The following LYPD8 variants were observed in gnomAD, a reference collection of about 807,000 sequenced individuals.
LYPD8 encodes the protein LY6/PLAUR domain containing 8.
A neutral mutation model predicts 1.7 loss-of-function variants in LYPD8; 8 were observed. The observed-to-expected ratio is 4.58, with a 90% confidence interval of 2.69 to 8.27. LYPD8 has a LOEUF of 8.27. LYPD8 is among the 30% of genes most tolerant of loss of function. The pLI, the probability that LYPD8 is intolerant of heterozygous loss-of-function variation, is 0.00. For missense variants in LYPD8, 112 were observed against 102.3 expected, an observed-to-expected ratio of 1.09 and a Z score of -0.41; for synonymous variants, 50 against 43.6, an observed-to-expected ratio of 1.15 and a Z score of -0.58.
intron 4 of LYPD8, among the ~76,000 whole-genome samples, chr1:248,748,797 C>T (rs914102070): frequency 6.6e-6 from 1 of 152,274 alleles, no homozygotes; most frequent in African/African-American, 2.4e-5. Flanking sequence ...GCCTTATGTG[C>T]AATATGACAT....
chr1:248,741,083 C>T (rs1181336998), intron 6 of LYPD8, among the ~76,000 whole-genome samples: 1 of 152,174 alleles, frequency 6.6e-6, no homozygotes, highest in Non-Finnish European at 1.5e-5. Context: ...CCCTGCATTC[C>T]GGCCCGGGCG....
intron 6 of LYPD8, among the ~76,000 whole-genome samples, chr1:248,744,629 G>GCGTCAAA (rs1662694983): frequency 8.3e-6 from 1 of 120,720 alleles, no homozygotes; most frequent in African/African-American, 4.2e-5. Flanking sequence ...ACAATGGGTA[G>GCGTCAAA]TGTCAAATGT....
intron 3 of LYPD8, 91 bp downstream of exon 3, chr1:248,750,939 T>G: frequency 2.5e-6 from 1 of 398,560 alleles, no homozygotes; most frequent in Non-Finnish European, 4.4e-6. Context: ...ATTTGACATG[T>G]GAGGCCCTCG....
chr1:248,753,558 ACACACACAACACACAC>A (rs1187556806), intron 2 of LYPD8, among the ~76,000 whole-genome samples: 2 of 101,156 alleles, frequency 2.0e-5, no homozygotes, highest in Non-Finnish European at 4.0e-5. Flanking sequence ...AAAACACATC[ACACACACAACACACAC>A]CCCACACAAC....
chr1:248,741,915 A>G (rs1197276066), intron 6 of LYPD8, among the ~76,000 whole-genome samples: 2 of 152,224 alleles, frequency 1.3e-5, no homozygotes, highest in African/African-American at 4.8e-5. Flanking sequence ...CTCTGGAGGC[A>G]ATAACAAAGA....
At chr1:248,754,498 C>T (rs896769611) in intron 2 of LYPD8, among the ~76,000 whole-genome samples, 21 of 151,292 alleles carry the variant, frequency 1.4e-4, no homozygotes, top group Non-Finnish European at 2.4e-4. Context: ...ACCACACATG[C>T]ACCATATGCC....
intron 6 of LYPD8, among the ~76,000 whole-genome samples, chr1:248,741,750 C>T (rs1286772889): frequency 6.6e-6 from 1 of 152,100 alleles, no homozygotes; most frequent in Non-Finnish European, 1.5e-5. Context: ...TGCCCTAGGA[C>T]ACAGTTTTAG....
chr1:248,753,181 C>CA (rs1662852656), intron 2 of LYPD8, among the ~76,000 whole-genome samples: 1 of 120,386 alleles, frequency 8.3e-6, no homozygotes, highest in African/African-American at 3.3e-5. Context: ...CCACATCACA[C>CA]ACACACACCA....
intron 2 of LYPD8, among the ~76,000 whole-genome samples, chr1:248,752,758 ACAC>A (rs1662827377): frequency 9.1e-6 from 1 of 109,956 alleles, no homozygotes; most frequent in Admixed American, 9.4e-5. Flanking sequence ...CACCCCACAC[ACAC>A]CACACACCCC....
At chr1:248,754,960 G>A (rs1312963578) in intron 2 of LYPD8, among the ~76,000 whole-genome samples, 1 of 151,162 alleles carries the variant, frequency 6.6e-6, no homozygotes, top group African/African-American at 2.5e-5. Context: ...GTCTTACAGT[G>A]TGATGGAGGA....
rs1662904803 is a variant in LYPD8 at position 248,755,403 on chromosome 1, C to G, written c.-197-17G>C. On this transcript the variant is annotated splice_polypyrimidine_tract_variant and intron_variant, in intron 1 of 6. Transcript: ENST00000590317. ...CTAGAGAGGCTGTGAGGACACAAAA[C>G]CACACAGAATGAAGAATGTCACACA... is the stretch of plus-strand genomic sequence containing the variant. 2 of 152,218 alleles carry G rather than the reference C, an allele frequency of 1.3e-5. No individual in the cohort carries two copies. The highest frequency in any genetic ancestry group is 4.8e-5 in the African/African-American group (2 of 41,426). The allele number at this position is 152,218 out of a possible 1,614,324, so 9.4% of individuals were successfully genotyped here.
intron 6 of LYPD8, among the ~76,000 whole-genome samples, chr1:248,742,939 G>A: frequency 7.6e-6 from 1 of 131,266 alleles, no homozygotes; most frequent in East Asian, 2.4e-4. Context: ...CTCTGGTGGG[G>A]ATGTTGGCAG....
chr1:248,755,700 C>T lies in LYPD8; in HGVS notation c.-198+5G>A, dbSNP rs958236010. Reference sequence around the variant, plus strand: ...GCTCAGGCCCCGGCCTCGCAGTCCTCTCACCTTCTGGATCTGGCCTGGTGA... The same window carrying T: ...GCTCAGGCCCCGGCCTCGCAGTCCTTTCACCTTCTGGATCTGGCCTGGTGA... On this transcript the variant is annotated splice_donor_5th_base_variant and intron_variant, in intron 1 of 6. Coordinates refer to ENST00000590317, the MANE Select transcript of LYPD8 (RefSeq NM_001085474.2). 1 of 152,386 alleles carries T rather than the reference C, an allele frequency of 6.6e-6. No homozygotes were observed. Among genetic ancestry groups the T allele is most frequent in the Non-Finnish European group, 1.5e-5 (1 of 68,136 alleles). The allele number at this position is 152,386 out of a possible 1,614,324, so 9.4% of individuals were successfully genotyped here.
At chr1:248,744,873 C>T (rs1306554930) in intron 6 of LYPD8, among the ~76,000 whole-genome samples, 2 of 152,140 alleles carry the variant, frequency 1.3e-5, no homozygotes, top group African/African-American at 2.4e-5. Flanking sequence ...GTGTGATGCG[C>T]TTAGACAAAT....
intron 4 of LYPD8, 44 bp downstream of exon 4, chr1:248,750,480 G>T (rs1344658598): frequency 5.0e-6 from 2 of 398,556 alleles, no homozygotes; most frequent in Non-Finnish European, 8.8e-6. Context: ...CTCCCTCCCG[G>T]TGCAAGCCCC....
At chr1:248,751,349 T>G (rs1662798903) in intron 2 of LYPD8, among the ~76,000 whole-genome samples, 1 of 152,190 alleles carries the variant, frequency 6.6e-6, no homozygotes, top group Admixed American at 6.5e-5. Flanking sequence ...CACGCAGATA[T>G]GAAACACAGC....
chr1:248,742,318 T>G (rs868928423), intron 6 of LYPD8, among the ~76,000 whole-genome samples: 2 of 19,916 alleles, frequency 1.0e-4, no homozygotes, highest in Non-Finnish European at 8.2e-5. Flanking sequence ...ATGTTGGCAG[T>G]CGGGGGAGAT....
At chr1:248,753,712 A>ATAAGT (rs1662876086) in intron 2 of LYPD8, among the ~76,000 whole-genome samples, 1 of 140,856 alleles carries the variant, frequency 7.1e-6, no homozygotes, top group African/African-American at 2.7e-5. Context: ...CACCCCACAC[A>ATAAGT]CACACGCATC....
At position 248,748,327 on chromosome 1, in the gene LYPD8, C is replaced by T. The variant is rs1362080163; in HGVS notation, c.299G>A (p.Cys100Tyr). 6.4e-6 allele frequency: 3 copies of T among 470,230 alleles called. No individual in the cohort carries two copies. The highest frequency in any genetic ancestry group is 7.1e-5 in the East Asian group (2 of 28,316). The allele number at this position is 470,230 out of a possible 1,614,324, so 29.1% of individuals were successfully genotyped here. ...GGTGTTGCTGCATTCCTTTCCTTGGCAGCACTGGCTTACAAAATGAAAGTG... is the reference window on the plus strand; with the variant it reads ...GGTGTTGCTGCATTCCTTTCCTTGGTAGCACTGGCTTACAAAATGAAAGTG... ...EEHFHFVSQC[C>Y]QGKECSNTSD... The change falls in exon 5 of 7, where the codon TGC (cysteine) becomes TAC (tyrosine). Residue 100 changes from cysteine (C) to tyrosine (Y), a missense_variant. By Grantham distance (194) the Cys-to-Tyr change is radical. Coordinates refer to ENST00000590317, the MANE Select transcript of LYPD8 (RefSeq NM_001085474.2).
Sources: gnomAD v4.1 joint callset for allele counts (sites outside exome capture counted in the v4.1 genomes callset) on GRCh38, gnomAD v4.1.1 for gene constraint, MANE v1.5 for transcripts, NCBI Gene and HGNC (gene_info 2026-07-23, HGNC 2026-07-21) for gene names.